The following COPG2 variants were observed in gnomAD, a reference collection of about 807,000 sequenced individuals.
The protein encoded by COPG2 is coat protein complex I subunit gamma 2.
COPG2 carries 37 observed loss-of-function variants against 46.3 expected under a neutral mutation model. That is an observed-to-expected ratio of 0.80 (90% CI 0.61 to 1.05). COPG2 has a LOEUF of 1.05. Among genes scored for constraint, COPG2 ranks in the 50% least tolerant of loss-of-function variants. The probability of loss-of-function intolerance (pLI) is 0.00; values close to 1 mark genes in which losing one functional copy is unlikely to be tolerated. For missense variants in COPG2, 427 were observed against 387.8 expected (o/e 1.10, Z -0.85); for synonymous variants, 159 against 129.7 (o/e 1.23, Z -1.53).
chr7:130,654,838 TTTG>T (rs1795817815), intron 4 of COPG2, among the ~76,000 whole-genome samples: 1 of 56,716 alleles, frequency 1.8e-5, no homozygotes, highest in Admixed American at 2.7e-4. Flanking sequence ...GGTTTTTTTG[TTTG>T]TTTGTTTGTT....
At chr7:130,569,613 A>C (rs961290156) in intron 9 of COPG2, among the ~76,000 whole-genome samples, 1 of 152,204 alleles carries the variant, frequency 6.6e-6, no homozygotes, top group African/African-American at 2.4e-5. Context: ...CTCACAGCTG[A>C]ATTATATCAG....
intron 5 of COPG2, among the ~76,000 whole-genome samples, chr7:130,628,086 C>A (rs1276145605): frequency 6.6e-6 from 1 of 152,114 alleles, no homozygotes; most frequent in African/African-American, 2.4e-5. Context: ...CTGATTATGA[C>A]TGGATTGAAA....
intron 9 of COPG2, among the ~76,000 whole-genome samples, chr7:130,578,632 C>T (rs1219467690): frequency 1.1e-4 from 17 of 151,854 alleles, no homozygotes; most frequent in African/African-American, 4.1e-4. Flanking sequence ...ACTAGAATAA[C>T]CAATACAGAG....
intron 4 of COPG2, among the ~76,000 whole-genome samples, chr7:130,654,360 T>C (rs782730807): frequency 6.6e-6 from 1 of 152,168 alleles, no homozygotes; most frequent in Non-Finnish European, 1.5e-5. Context: ...TGGAATATAG[T>C]ATCTAACATC....
At chr7:130,551,423 C>T (rs1377418346) in intron 15 of COPG2, 79 bp from the exon 16 acceptor site, 1 of 396,054 alleles carries the variant, frequency 2.5e-6, no homozygotes, top group Non-Finnish European at 4.5e-6. Context: ...CTAAAGGACA[C>T]AGCTCAGGTC....
chr7:130,554,575 C>T lies in COPG2; in HGVS notation c.1374G>A (p.Leu458=). The T allele has an allele frequency of 2.5e-6, 1 of 398,562 alleles. No homozygotes were observed. The highest frequency in any genetic ancestry group is 4.4e-6 in the Non-Finnish European group (1 of 226,052). The allele number at this position is 398,562 out of a possible 1,614,324, so 24.7% of individuals were successfully genotyped here. The part of the protein sequence containing the change: ...HTVLATKILH[L]LGKEGPRTPV... The stretch of plus-strand genomic sequence containing the variant: ...GCGTTCTAGGGCCCTCTTTGCCCAA[C>T]AAGTGTAGAATCTTAGTAGCCAGAA... The change falls in exon 14 of 24, where the codon TTG becomes TTA. Residue 458 remains leucine, a synonymous_variant. Transcript: ENST00000425248.
chr7:130,572,795 T>C (rs1554445709), intron 9 of COPG2, among the ~76,000 whole-genome samples: 1 of 151,446 alleles, frequency 6.6e-6, no homozygotes, highest in Non-Finnish European at 1.5e-5. Context: ...GGCTTCCACA[T>C]GAAGAAATTA....
chr7:130,587,285 C>A (rs1237141283), intron 9 of COPG2, among the ~76,000 whole-genome samples: 1 of 151,482 alleles, frequency 6.6e-6, no homozygotes, highest in African/African-American at 2.4e-5. Context: ...CCAGCCTGGG[C>A]GATAGAGTGA....
chr7:130,664,109 G>C (rs1250696511), intron 3 of COPG2, among the ~76,000 whole-genome samples: 1 of 152,114 alleles, frequency 6.6e-6, no homozygotes, highest in Non-Finnish European at 1.5e-5. Context: ...CAGTGAAAAA[G>C]TGTTAGATAA....
At chr7:130,600,726 T>C (rs1794619784) in intron 9 of COPG2, among the ~76,000 whole-genome samples, 1 of 152,210 alleles carries the variant, frequency 6.6e-6, no homozygotes, top group South Asian at 2.1e-4. Context: ...TCTAAAGGCA[T>C]AAAGGTCTCT....
chr7:130,538,497 G>A (rs1799906077), intron 20 of COPG2, among the ~76,000 whole-genome samples: 1 of 152,052 alleles, frequency 6.6e-6, no homozygotes, highest in Admixed American at 6.5e-5. Context: ...TTCTTATCAA[G>A]GCCAACCCAT....
At chr7:130,510,222 A>C in intron 20 of COPG2, 1 of 520,002 alleles carries the variant, frequency 1.9e-6, no homozygotes, top group Non-Finnish European at 3.8e-6. Flanking sequence ...AATATGCTGA[A>C]AACAGACGAT....
intron 5 of COPG2, among the ~76,000 whole-genome samples, chr7:130,635,395 A>G (rs1416334363): frequency 6.6e-6 from 1 of 151,942 alleles, no homozygotes; most frequent in Non-Finnish European, 1.5e-5. Flanking sequence ...AGAACTTGTT[A>G]TTGGTCTATT....
At chr7:130,636,802 A>G (rs528845420) in intron 5 of COPG2, among the ~76,000 whole-genome samples, 1 of 152,186 alleles carries the variant, frequency 6.6e-6, no homozygotes, top group South Asian at 2.1e-4. Flanking sequence ...TAGTTGATGC[A>G]GTTTCTTCAT....
chr7:130,566,482 T>G (rs929185356), intron 9 of COPG2, among the ~76,000 whole-genome samples: 1 of 152,194 alleles, frequency 6.6e-6, no homozygotes, highest in Non-Finnish European at 1.5e-5. Context: ...CCCGAAGGAA[T>G]ATGAATTGTT....
intron 5 of COPG2, among the ~76,000 whole-genome samples, chr7:130,630,562 G>A (rs566725967): frequency 6.6e-6 from 1 of 151,858 alleles, no homozygotes; most frequent in East Asian, 1.9e-4. Context: ...ATGTTTTTGA[G>A]AGATGAGTAC....
intron 5 of COPG2, among the ~76,000 whole-genome samples, chr7:130,635,898 G>A (rs1013359866): frequency 2.4e-4 from 36 of 152,098 alleles, no homozygotes; most frequent in African/African-American, 8.2e-4. Context: ...ATTATGTTAC[G>A]TTGTATCTTT....
chr7:130,591,971 G>A (rs1440372013), intron 9 of COPG2, among the ~76,000 whole-genome samples: 13 of 152,334 alleles, frequency 8.5e-5, no homozygotes, highest in African/African-American at 2.2e-4. Context: ...GGGGAAAGGC[G>A]GGGAAAAGAT....
chr7:130,520,251 A>G (rs1237655363), intron 20 of COPG2, among the ~76,000 whole-genome samples: 1 of 152,222 alleles, frequency 6.6e-6, no homozygotes, highest in Non-Finnish European at 1.5e-5. Context: ...ATGATGTTAA[A>G]TTGGCCAAGA....
Sources: allele counts gnomAD v4.1 joint callset (sites outside exome capture counted in the v4.1 genomes callset), GRCh38; gene constraint gnomAD v4.1.1; transcripts MANE v1.5; gene names NCBI Gene and HGNC (gene_info 2026-07-23, HGNC 2026-07-21).